ZNF626: variants seen among roughly 807,000 people sequenced by gnomAD.
ZNF626 encodes the protein CTC-513N18.7.
A neutral mutation model predicts 11.7 loss-of-function variants in ZNF626; 4 were observed. The ratio of observed to expected loss-of-function variants is 0.34; its 90% CI spans 0.17 to 0.78. ZNF626 has a LOEUF of 0.78. Ranked by LOEUF, ZNF626 falls within the 30% of genes least tolerant of loss-of-function variation. ZNF626 has a pLI of 0.57. For synonymous variants in ZNF626, 179 were observed against 198.6 expected, an observed-to-expected ratio of 0.90 and a Z score of 0.83; for missense variants, 588 against 587.1, an observed-to-expected ratio of 1.00 and a Z score of -0.01.
chr19:20,634,471 TG>T (rs1969945097), intron 3 of ZNF626, among the ~76,000 whole-genome samples: 2 of 152,084 alleles, frequency 1.3e-5, no homozygotes, highest in Admixed American at 1.3e-4. Context: ...ATGACAAAAA[TG>T]GAATTAGAGT....
Position 20,661,504 on chromosome 19 carries a change from C to T in ZNF626, c.-58G>A. 6.2e-7 allele frequency: 1 copy of T among 1,600,186 alleles called. No homozygotes were observed. Among genetic ancestry groups the T allele is most frequent in the Non-Finnish European group, 8.5e-7 (1 of 1,172,450 alleles). ...TGTGGATCTCCCAATACCTGCAGGACACGGGGCCACACAGCCTGGGCCTTT... is the reference window on the plus strand; with the variant it reads ...TGTGGATCTCCCAATACCTGCAGGATACGGGGCCACACAGCCTGGGCCTTT... On this transcript the variant is annotated 5_prime_UTR_variant, in exon 1 of 4. Coordinates refer to ENST00000601440, the MANE Select transcript of ZNF626 (RefSeq NM_001076675.3).
chr19:20,625,454 T>TG lies in ZNF626; in HGVS notation c.422dup (p.Arg142LysfsTer7). ...ATTTATCACATTGACATATTTTTCT[T>TG]GGGGTAGTTGTCAAACATTGGTTAA... is the stretch of plus-strand genomic sequence containing the variant. On this transcript the variant is annotated frameshift_variant, in exon 4 of 4. Coordinates refer to ENST00000601440, the MANE Select transcript of ZNF626 (RefSeq NM_001076675.3). LOFTEE classifies it low-confidence loss of function (END_TRUNC). 1 of 1,614,124 alleles carries TG rather than the reference T, an allele frequency of 6.2e-7. No individual in the cohort carries two copies. The highest frequency in any genetic ancestry group is 1.1e-5 in the South Asian group (1 of 91,072).
chr19:20,660,051 AG>A (rs1373684482), intron 1 of ZNF626, among the ~76,000 whole-genome samples: 4 of 151,908 alleles, frequency 2.6e-5, no homozygotes, highest in African/African-American at 9.7e-5. Flanking sequence ...GGTCTGAGGC[AG>A]AGAGTTCAAG....
chr19:20,637,110 CAAAACAAAACAA>C (rs1313087652), intron 3 of ZNF626, among the ~76,000 whole-genome samples: 1 of 146,350 alleles, frequency 6.8e-6, no homozygotes, highest in Non-Finnish European at 1.5e-5. Flanking sequence ...AAAAACAAAA[CAAAACAAAACAA>C]AAAACAAAAT....
At chr19:20,657,686 T>C (rs1970219656) in intron 1 of ZNF626, among the ~76,000 whole-genome samples, 1 of 151,804 alleles carries the variant, frequency 6.6e-6, no homozygotes, top group African/African-American at 2.4e-5. Context: ...GCGACTCTAA[T>C]CCCAGCTACA....
intron 1 of ZNF626, among the ~76,000 whole-genome samples, chr19:20,654,700 GA>G (rs1306035151): frequency 1.7e-4 from 24 of 143,380 alleles, no homozygotes; most frequent in South Asian, 4.4e-4. Context: ...TGAGACTCCG[GA>G]AAAAAAAAAA....
intron 3 of ZNF626, among the ~76,000 whole-genome samples, chr19:20,642,583 G>T (rs553936633): frequency 1.3e-5 from 2 of 152,094 alleles, no homozygotes; most frequent in Non-Finnish European, 2.9e-5. Context: ...GCAACATGGC[G>T]AAACTTCCTC....
intron 1 of ZNF626, among the ~76,000 whole-genome samples, chr19:20,647,356 C>CT (rs1398883171): frequency 1.3e-5 from 2 of 151,748 alleles, no homozygotes; most frequent in Admixed American, 6.6e-5. Context: ...TGCACATCAG[C>CT]TGCATAAAGA....
chr19:20,630,329 G>T (rs35237192), intron 3 of ZNF626, among the ~76,000 whole-genome samples: 68,288 of 151,938 alleles, frequency 0.45, 16,602 homozygotes, highest in African/African-American at 0.64. Flanking sequence ...TTTTTCTATT[G>T]GTTGGAATAG....
chr19:20,658,579 G>C (rs1214505236), intron 1 of ZNF626, among the ~76,000 whole-genome samples: 2 of 152,172 alleles, frequency 1.3e-5, no homozygotes, highest in African/African-American at 4.8e-5. Context: ...ACAACAGGCA[G>C]TGTGACAGCC....
chr19:20,639,926 A>C (rs549714603), intron 3 of ZNF626, among the ~76,000 whole-genome samples: 2 of 152,312 alleles, frequency 1.3e-5, no homozygotes, highest in African/African-American at 2.4e-5. Flanking sequence ...AATGTCAATA[A>C]AATCTAGAGT....
intron 3 of ZNF626, chr19:20,645,280 C>A: frequency 6.7e-7 from 1 of 1,488,790 alleles, no homozygotes; most frequent in South Asian, 1.4e-5. Context: ...CTATTACTCT[C>A]AGACATTTCA....
chr19:20,628,891 T>A (rs1264858614), intron 3 of ZNF626, among the ~76,000 whole-genome samples: 1 of 152,230 alleles, frequency 6.6e-6, no homozygotes, highest in African/African-American at 2.4e-5. Context: ...GCCTAGGTTT[T>A]CTTCTAGGGT....
rs1040523319 is a variant in ZNF626, at chr19:20,645,848, A to G, written c.131-69T>C. On this transcript the variant is annotated intron_variant, in intron 2 of 3. Coordinates refer to ENST00000601440, the MANE Select transcript of ZNF626 (RefSeq NM_001076675.3). ...CCAATTACAAGCTAGTAATGTGCTC[A>G]GCACAGAGGATGTGATAAAATATTC... The G allele has an allele frequency of 2.7e-6, 3 of 1,123,188 alleles. No individual in the cohort carries two copies. The African/African-American group carries it at 4.8e-5, about 18-fold the overall frequency. The allele number at this position is 1,123,188 out of a possible 1,614,324, so 69.6% of individuals were successfully genotyped here. A position where few individuals can be genotyped will look rare whatever the true frequency, so the allele number is the denominator to read the frequency against.
chr19:20,634,029 A>T (rs901469309), intron 3 of ZNF626, among the ~76,000 whole-genome samples: 11 of 152,212 alleles, frequency 7.2e-5, no homozygotes, highest in Non-Finnish European at 1.0e-4. Flanking sequence ...CATACTTTAT[A>T]AAGTGTATTT....
chr19:20,636,845 A>C (rs1568457821), intron 3 of ZNF626, among the ~76,000 whole-genome samples: 1 of 152,104 alleles, frequency 6.6e-6, no homozygotes, highest in Non-Finnish European at 1.5e-5. Context: ...ACATGGTGAA[A>C]CACCGTTTGT....
In ZNF626 at chr19:20,622,652, C is replaced by CA. The variant is rs1555768872; in HGVS notation, c.*1637dup. 6.6e-6 allele frequency: 1 copy of CA among 152,046 alleles called. No homozygotes were observed. The highest frequency in any genetic ancestry group is 1.9e-4 in the East Asian group (1 of 5,192). 9.4% of individuals were successfully genotyped at this position (152,046 alleles called of 1,614,324 possible). ...TACTTTCAATGTAAATACAAAGCTT[C>CA]AAAAAATCTCCTTTTAAAGTTATAT... On this transcript the variant is annotated 3_prime_UTR_variant, in exon 4 of 4. Transcript: ENST00000601440.
In ZNF626 at chr19:20,624,343, TC is replaced by T; in HGVS notation, c.1533del (p.Lys512ArgfsTer16). ...RIILERNSTN[V>X]KNVAKPSSGP... ...CCGCTTGAAGGCTTTGCCACATTCT[TC>T]ACATTTGTAGAATTTCTCTCCAGTA... On this transcript the variant is annotated frameshift_variant, in exon 4 of 4. Coordinates refer to ENST00000601440, the MANE Select transcript of ZNF626 (RefSeq NM_001076675.3). LOFTEE classifies it low-confidence loss of function (END_TRUNC). 3 of 1,467,478 alleles carry T rather than the reference TC, an allele frequency of 2.0e-6. No homozygotes were observed. In the South Asian group the frequency reaches 3.9e-5, roughly 19 times the overall value. The allele number at this position is 1,467,478 out of a possible 1,614,324, so 90.9% of individuals were successfully genotyped here.
rs1307713361 is a variant in ZNF626, at chr19:20,620,065, C to A, written c.*4225G>T. ...ACACATAGAACAATAAAAATGTATC[C>A]AATTATTCAATTTTGGTTAAATTTT... On this transcript the variant is annotated 3_prime_UTR_variant, in exon 4 of 4. Transcript: ENST00000601440. 6.6e-6 allele frequency: 1 copy of A among 151,872 alleles called. No homozygotes were observed. Among genetic ancestry groups the A allele is most frequent in the Non-Finnish European group, 1.5e-5 (1 of 67,976 alleles). 9.4% of individuals were successfully genotyped at this position (151,872 alleles called of 1,614,324 possible).
Sources: allele counts gnomAD v4.1 joint callset (sites outside exome capture counted in the v4.1 genomes callset), GRCh38; gene constraint gnomAD v4.1.1; transcripts MANE v1.5; gene names NCBI Gene and HGNC (gene_info 2026-07-23, HGNC 2026-07-21).